The following TMEM108 variants were observed in gnomAD, a reference collection of about 807,000 sequenced individuals.
The protein encoded by TMEM108 is cancer/testis antigen 124.
In TMEM108, 12 loss-of-function variants were observed where a neutral mutation model predicts 35.1. The ratio of observed to expected loss-of-function variants is 0.34; its 90% CI spans 0.22 to 0.55. The LOEUF (loss-of-function observed/expected upper bound fraction) is 0.55. Among genes scored for constraint, TMEM108 ranks in the 20% least tolerant of loss-of-function variants. The pLI is 0.89. For missense variants in TMEM108, 680 were observed against 753.3 expected (o/e 0.90, Z 1.14); for synonymous variants, 287 against 308.6 (o/e 0.93, Z 0.73).
intron 3 of TMEM108, among the ~76,000 whole-genome samples, chr3:133,317,978 T>G (rs2071220219): frequency 1.3e-5 from 2 of 152,214 alleles, no homozygotes; most frequent in South Asian, 4.1e-4. Flanking sequence ...GCCAGTAGTC[T>G]AATTTTGGAA....
chr3:133,104,558 T>C (rs1283048401), intron 2 of TMEM108, among the ~76,000 whole-genome samples: 2 of 152,206 alleles, frequency 1.3e-5, no homozygotes, highest in Non-Finnish European at 2.9e-5. Context: ...CAGGTGTTTT[T>C]CTGATATCCA....
chr3:133,170,434 G>A (rs906272498), intron 2 of TMEM108, among the ~76,000 whole-genome samples: 1 of 152,096 alleles, frequency 6.6e-6, no homozygotes, highest in African/African-American at 2.4e-5. Context: ...TCTCAGCTAA[G>A]GTATGAGTGA....
At chr3:133,089,073 T>C (rs185490484) in intron 2 of TMEM108, among the ~76,000 whole-genome samples, 6 of 151,294 alleles carry the variant, frequency 4.0e-5, no homozygotes, top group African/African-American at 1.2e-4. Flanking sequence ...GGCGGTGTTA[T>C]ACACTTTTAA....
At chr3:133,331,597 T>C (rs138503539) in intron 3 of TMEM108, among the ~76,000 whole-genome samples, 10 of 152,328 alleles carry the variant, frequency 6.6e-5, no homozygotes, top group Non-Finnish European at 1.2e-4. Flanking sequence ...ACAAGGCATA[T>C]AGAAACTGCC....
chr3:133,273,009 A>G (rs559520513), intron 3 of TMEM108, among the ~76,000 whole-genome samples: 2 of 152,306 alleles, frequency 1.3e-5, no homozygotes, highest in African/African-American at 4.8e-5. Flanking sequence ...CAGACAGAGA[A>G]GGGACCAGGC....
At chr3:133,131,452 T>C (rs1209154570) in intron 2 of TMEM108, among the ~76,000 whole-genome samples, 1 of 150,184 alleles carries the variant, frequency 6.7e-6, no homozygotes, top group African/African-American at 2.5e-5. Context: ...ATACAATATT[T>C]CAAACTTTTA....
intron 3 of TMEM108, among the ~76,000 whole-genome samples, chr3:133,329,185 G>A (rs1005227825): frequency 6.6e-6 from 1 of 151,998 alleles, no homozygotes; most frequent in Non-Finnish European, 1.5e-5. Context: ...TTTCTATTCA[G>A]TTCAGGCTTA....
intron 2 of TMEM108, among the ~76,000 whole-genome samples, chr3:133,219,807 T>A (rs1225716894): frequency 6.6e-6 from 1 of 152,154 alleles, no homozygotes. Flanking sequence ...CTGCTGCTCT[T>A]AGGTGGAATG....
intron 3 of TMEM108, among the ~76,000 whole-genome samples, chr3:133,341,037 A>G (rs1425369317): frequency 2.0e-5 from 3 of 151,882 alleles, no homozygotes; most frequent in Admixed American, 1.3e-4. Flanking sequence ...TTGTTATTCA[A>G]CATAGCAGTG....
chr3:133,386,869 A>C (rs570303459), intron 4 of TMEM108: 1 of 619,560 alleles, frequency 1.6e-6, no homozygotes, highest in Admixed American at 5.6e-5. Context: ...GATCAAGATC[A>C]ATACTATTAG....
intron 2 of TMEM108, among the ~76,000 whole-genome samples, chr3:133,204,304 G>A (rs1473078590): frequency 6.7e-6 from 1 of 150,120 alleles, no homozygotes; most frequent in Non-Finnish European, 1.5e-5. Flanking sequence ...ATCTCCTTCA[G>A]TTCTGCTCTG....
chr3:133,335,440 A>G (rs572180524), intron 3 of TMEM108, among the ~76,000 whole-genome samples: 1 of 152,360 alleles, frequency 6.6e-6, no homozygotes, highest in Admixed American at 6.5e-5. Context: ...ATTGTTTTAT[A>G]AAAGTTGCAA....
intron 2 of TMEM108, among the ~76,000 whole-genome samples, chr3:133,078,159 GCAC>G (rs1559825376): frequency 3.0e-4 from 42 of 140,884 alleles, no homozygotes; most frequent in African/African-American, 9.6e-4. Context: ...GTGTGTGTGT[GCAC>G]GCGCGCGCGC....
intron 5 of TMEM108, among the ~76,000 whole-genome samples, chr3:133,392,648 TCCC>T (rs1183183664): frequency 6.6e-6 from 1 of 152,004 alleles, no homozygotes; most frequent in African/African-American, 2.4e-5. Flanking sequence ...GATTTCGCCC[TCCC>T]AACCCCAAAA....
At chr3:133,270,880 C>G (rs79960819) in intron 3 of TMEM108, among the ~76,000 whole-genome samples, 1,898 of 152,040 alleles carry the variant, frequency 0.012, 16 homozygotes, top group South Asian at 0.024. Flanking sequence ...CAACATACAG[C>G]TCTGTCAGGA....
In TMEM108 at chr3:133,069,121, C is replaced by G. The variant is rs965737085; in HGVS notation, c.-47+23101C>G. Among the ~76,000 whole-genome samples, 8 of 152,282 alleles carry G rather than the reference C, an allele frequency of 5.3e-5. No homozygotes were observed. The South Asian group carries it at 6.2e-4, about 12-fold the overall frequency. ...CCTCTTTTCCCTAAAGATGGCACCACCAGTAGAATAGTGAACTAACACACT... is the reference window on the plus strand; with the variant it reads ...CCTCTTTTCCCTAAAGATGGCACCAGCAGTAGAATAGTGAACTAACACACT... On this transcript the variant is annotated intron_variant, in intron 2 of 5. Coordinates refer to ENST00000321871, the MANE Select transcript of TMEM108 (RefSeq NM_023943.4).
Position 133,380,163 on chromosome 3 carries a change from G to C in TMEM108, c.452G>C (p.Ser151Thr). ...CTGACAAAGCCACCGGGGGCCACCA[G>C]CCGCCCCACCACAGCGCCCCCCCGC... ...ILLTKPPGAT[S>T]RPTTAPPRTT... The change falls in exon 4 of 6, where the codon AGC becomes ACC. Residue 151 changes from serine to threonine, a missense_variant. Physicochemically the swap from Ser to Thr is moderately conservative, Grantham distance 58. This residue lies in a region of TMEM108 where 526 missense variants were observed against 532.1 expected (regional missense o/e 0.99). Transcript: ENST00000321871. The surrounding 1 kb of genome is among the most constrained non-coding windows in gnomAD (Gnocchi z 5.3). 6.2e-7 allele frequency: 1 copy of C among 1,612,880 alleles called. No homozygotes were observed. The highest frequency in any genetic ancestry group is 8.5e-7 in the Non-Finnish European group (1 of 1,179,510).
At chr3:133,197,320 A>G (rs1945593064) in intron 2 of TMEM108, among the ~76,000 whole-genome samples, 1 of 152,192 alleles carries the variant, frequency 6.6e-6, no homozygotes, top group South Asian at 2.1e-4. Flanking sequence ...GCACAGCCTA[A>G]GGCAAGGAGT....
chr3:133,187,770 G>A (rs2107810803), intron 2 of TMEM108, among the ~76,000 whole-genome samples: 1 of 151,618 alleles, frequency 6.6e-6, no homozygotes, highest in African/African-American at 2.4e-5. Context: ...GAGGAAGGGA[G>A]GGAGTGTGAG....
Sources: gnomAD v4.1 joint callset for allele counts (sites outside exome capture counted in the v4.1 genomes callset) on GRCh38, gnomAD v4.1.1 for gene constraint, gnomAD v4.1.1 regional missense constraint, Gnocchi (gnomAD v3.1) non-coding constraint, MANE v1.5 for transcripts, NCBI Gene and HGNC (gene_info 2026-07-23, HGNC 2026-07-21) for gene names.